Variants in LRMDA observed in about 807,000 individuals in gnomAD.
The protein encoded by LRMDA is leucine-rich melanocyte differentiation-associated protein.
Under a neutral mutation model 29.8 loss-of-function variants are expected in LRMDA, and 18 were observed. That is an observed-to-expected ratio of 0.60 (90% CI 0.42 to 0.90). The LOEUF is 0.90. Among genes scored for constraint, LRMDA ranks in the 40% least tolerant of loss-of-function variants. The probability of loss-of-function intolerance (pLI) is 0.00; values close to 1 mark genes in which losing one functional copy is unlikely to be tolerated. For synonymous variants in LRMDA, 125 were observed against 109.4 expected (o/e 1.14, Z -0.89); for missense variants, 273 against 273.9 (o/e 1.00, Z 0.02).
intron 2 of LRMDA, among the ~76,000 whole-genome samples, chr10:75,588,400 A>T (rs1401237575): frequency 6.6e-6 from 1 of 152,206 alleles, no homozygotes; most frequent in Non-Finnish European, 1.5e-5. Context: ...TGTCAAAAGC[A>T]TGCTGGGTTG....
rs956172590 is a variant in LRMDA at position 76,249,771 on chromosome 10, T to G, written c.517-74630T>G. ...GGTTCTGTTTAATTTATTTGCCTAGTTAACTTACAGCAAACCACAAATTAT... is the reference window on the plus strand; with the variant it reads ...GGTTCTGTTTAATTTATTTGCCTAGGTAACTTACAGCAAACCACAAATTAT... On this transcript the variant is annotated intron_variant, in intron 5 of 6. Transcript: ENST00000611255. Among the ~76,000 whole-genome samples, 7 of 152,234 alleles carry G rather than the reference T, an allele frequency of 4.6e-5. No homozygotes were observed. The East Asian group carries it at 1.3e-3, about 29-fold the overall frequency.
chr10:76,184,444 T>G (rs538724310), intron 5 of LRMDA, among the ~76,000 whole-genome samples: 1 of 152,362 alleles, frequency 6.6e-6, no homozygotes, highest in African/African-American at 2.4e-5. Context: ...CAATTCCATT[T>G]AACAAAAGAA....
chr10:75,975,180 G>A (rs1482289630), intron 2 of LRMDA, among the ~76,000 whole-genome samples: 2 of 152,224 alleles, frequency 1.3e-5, no homozygotes, highest in African/African-American at 4.8e-5. Context: ...AGACACTGAG[G>A]ACTGGAGAAG....
At chr10:76,212,088 A>G (rs965581868) in intron 5 of LRMDA, among the ~76,000 whole-genome samples, 1 of 152,218 alleles carries the variant, frequency 6.6e-6, no homozygotes, top group African/African-American at 2.4e-5. Flanking sequence ...CTTATAGATT[A>G]TCAAAAGGAA....
intron 5 of LRMDA, among the ~76,000 whole-genome samples, chr10:76,141,288 A>T (rs1850194711): frequency 6.6e-6 from 1 of 152,086 alleles, no homozygotes; most frequent in African/African-American, 2.4e-5. Context: ...GGTGGAGAGA[A>T]AATGATTTTT....
chr10:76,405,593 GC>G (rs1266154453), intron 6 of LRMDA, among the ~76,000 whole-genome samples: 1 of 152,196 alleles, frequency 6.6e-6, no homozygotes, highest in Non-Finnish European at 1.5e-5. Flanking sequence ...TCATGGTTAT[GC>G]AGCAGATTGA....
chr10:75,675,931 A>T (rs1841954955), intron 2 of LRMDA, among the ~76,000 whole-genome samples: 1 of 152,170 alleles, frequency 6.6e-6, no homozygotes, highest in Non-Finnish European at 1.5e-5. Context: ...CCTGCAGTTC[A>T]CACTGGCCAA....
intron 2 of LRMDA, among the ~76,000 whole-genome samples, chr10:75,953,640 T>TTA (rs1846616073): frequency 6.6e-6 from 1 of 152,220 alleles, no homozygotes. Context: ...CTTGACATTG[T>TTA]TAGTTTTTAG....
chr10:75,575,307 A>G (rs1840490230), intron 2 of LRMDA, among the ~76,000 whole-genome samples: 1 of 152,168 alleles, frequency 6.6e-6, no homozygotes, highest in Non-Finnish European at 1.5e-5. Context: ...TTGAAATACA[A>G]TCATGCCTTC....
intron 5 of LRMDA, among the ~76,000 whole-genome samples, chr10:76,240,036 A>G (rs1247497): frequency 0.61 from 92,251 of 151,720 alleles, 27,994 homozygotes; most frequent in Middle Eastern, 0.66. Context: ...GGAAATTTTT[A>G]AAAATAAAAA....
intron 2 of LRMDA, among the ~76,000 whole-genome samples, chr10:75,477,063 T>G (rs915226287): frequency 1.3e-5 from 2 of 151,578 alleles, no homozygotes; most frequent in African/African-American, 4.9e-5. Context: ...CCAACACAGC[T>G]CACTGCTGCC....
chr10:75,776,130 GA>G (rs1185226026), intron 2 of LRMDA, among the ~76,000 whole-genome samples: 12 of 152,144 alleles, frequency 7.9e-5, no homozygotes, highest in Admixed American at 5.2e-4. Flanking sequence ...CTTTATTATT[GA>G]TCAACTCAGA....
intron 2 of LRMDA, among the ~76,000 whole-genome samples, chr10:75,530,467 A>G (rs1845464310): frequency 1.3e-5 from 2 of 152,178 alleles, no homozygotes; most frequent in Admixed American, 6.5e-5. Flanking sequence ...TCCTTCCCAG[A>G]ATGGAGGGAC....
chr10:75,982,670 G>A (rs546034191), intron 2 of LRMDA, among the ~76,000 whole-genome samples: 76 of 152,350 alleles, frequency 5.0e-4, no homozygotes, highest in African/African-American at 1.7e-3. Context: ...TCATCAAGGT[G>A]TGGCTTTGAA....
At chr10:75,518,337 T>C (rs534528065) in intron 2 of LRMDA, among the ~76,000 whole-genome samples, 8 of 152,282 alleles carry the variant, frequency 5.3e-5, no homozygotes, top group African/African-American at 1.9e-4. Flanking sequence ...GGTCCTGGAC[T>C]TTTTTTGGTT....
intron 5 of LRMDA, among the ~76,000 whole-genome samples, chr10:76,098,904 A>T (rs931605709): frequency 1.3e-5 from 2 of 152,156 alleles, no homozygotes; most frequent in African/African-American, 4.8e-5. Flanking sequence ...TAGGGAGGTG[A>T]AGCTGTCCTC....
At chr10:75,952,841 G>A (rs1418343176) in intron 2 of LRMDA, among the ~76,000 whole-genome samples, 12 of 151,922 alleles carry the variant, frequency 7.9e-5, no homozygotes, top group Admixed American at 5.9e-4. Flanking sequence ...TGCAACCTCC[G>A]CCTCCCGGGT....
At chr10:75,873,251 T>G (rs986645713) in intron 2 of LRMDA, among the ~76,000 whole-genome samples, 1 of 152,236 alleles carries the variant, frequency 6.6e-6, no homozygotes, top group African/African-American at 2.4e-5. Flanking sequence ...CCAATTTACA[T>G]TCTATCATTT....
chr10:75,903,671 G>A (rs779988523), intron 2 of LRMDA, among the ~76,000 whole-genome samples: 2 of 152,214 alleles, frequency 1.3e-5, no homozygotes, highest in African/African-American at 4.8e-5. Context: ...GACTCAGTGC[G>A]ATCACTAGGA....
Sources: gnomAD v4.1 joint callset for allele counts (sites outside exome capture counted in the v4.1 genomes callset) on GRCh38, gnomAD v4.1.1 for gene constraint, MANE v1.5 for transcripts, NCBI Gene and HGNC (gene_info 2026-07-23, HGNC 2026-07-21) for gene names.